Variants in CILK1 observed in about 807,000 individuals in gnomAD.
The protein encoded by CILK1 is ciliogenesis associated kinase 1.
CILK1 carries 47 observed loss-of-function variants against 79.2 expected under a neutral mutation model. That is an observed-to-expected ratio of 0.59 (90% CI 0.47 to 0.76). CILK1 has a LOEUF of 0.76. Among genes scored for constraint, CILK1 ranks in the 30% least tolerant of loss-of-function variants. The pLI is 0.00. For synonymous variants in CILK1, 266 were observed against 275.9 expected, an observed-to-expected ratio of 0.96 and a Z score of 0.36; for missense variants, 660 against 769.5, an observed-to-expected ratio of 0.86 and a Z score of 1.68.
intron 3 of CILK1, among the ~76,000 whole-genome samples, chr6:53,036,792 C>T (rs1436567383): frequency 6.6e-6 from 1 of 152,196 alleles, no homozygotes; most frequent in Non-Finnish European, 1.5e-5. Context: ...TAACTTTGAA[C>T]TCCAATTAAG....
rs1764102595 is a variant in CILK1, at chr6:53,004,425, CT to C, written c.*723del. The C allele has an allele frequency of 6.6e-6, 1 of 152,124 alleles. No individual in the cohort carries two copies. Among genetic ancestry groups the C allele is most frequent in the Admixed American group, 6.5e-5 (1 of 15,270 alleles). 9.4% of individuals were successfully genotyped at this position (152,124 alleles called of 1,614,324 possible). A position where few individuals can be genotyped will look rare whatever the true frequency, so the allele number is the denominator to read the frequency against. ...AATATAATGGCATAGTATAATTAAG[CT>C]TGGTTTCATCTGAGATCTGCAACCA... On this transcript the variant is annotated 3_prime_UTR_variant, in exon 14 of 14. Transcript: ENST00000676107.
At chr6:53,012,316 T>C (rs1764621670) in intron 9 of CILK1, 89 bp from the exon 10 acceptor site, 3 of 1,224,846 alleles carry the variant, frequency 2.4e-6, no homozygotes, top group Non-Finnish European at 2.4e-6. Context: ...TTCTCTGCTA[T>C]GCAAAGGAGG....
intron 12 of CILK1, among the ~76,000 whole-genome samples, chr6:53,007,296 T>C (rs980029926): frequency 6.6e-6 from 1 of 152,200 alleles, no homozygotes; most frequent in African/African-American, 2.4e-5. Context: ...CTAGAATGCC[T>C]GCGTGAGGAG....
intron 2 of CILK1, among the ~76,000 whole-genome samples, chr6:53,040,852 T>C (rs1766656742): frequency 6.6e-6 from 1 of 152,214 alleles, no homozygotes; most frequent in Admixed American, 6.5e-5. Flanking sequence ...TTTCCTCTCA[T>C]GTAAAATGAT....
intron 5 of CILK1, among the ~76,000 whole-genome samples, chr6:53,025,884 T>A (rs1765538824): frequency 6.6e-6 from 1 of 152,244 alleles, no homozygotes; most frequent in African/African-American, 2.4e-5. Flanking sequence ...ATTAAAAGTA[T>A]AAGATCCTTA....
intron 5 of CILK1, among the ~76,000 whole-genome samples, chr6:53,030,580 TG>T (rs1765874331): frequency 6.6e-6 from 1 of 152,262 alleles, no homozygotes; most frequent in South Asian, 2.1e-4. Flanking sequence ...CATCTTGTTT[TG>T]CCTTTGTCTC....
intron 13 of CILK1, among the ~76,000 whole-genome samples, chr6:53,005,754 C>T (rs151039632): frequency 1.1e-4 from 17 of 152,264 alleles, no homozygotes; most frequent in Admixed American, 4.6e-4. Flanking sequence ...GTCAGATCAC[C>T]TCACTTATGG....
At chr6:53,026,882 C>G (rs1720393224) in intron 5 of CILK1, among the ~76,000 whole-genome samples, 1 of 152,170 alleles carries the variant, frequency 6.6e-6, no homozygotes, top group Admixed American at 6.5e-5. Context: ...AGCTGAATAA[C>G]AGAGGGATTT....
intron 5 of CILK1, 49 bp from the exon 6 acceptor site, chr6:53,019,408 A>G: frequency 6.2e-7 from 1 of 1,606,802 alleles, no homozygotes; most frequent in Non-Finnish European, 8.5e-7. Flanking sequence ...TTTGCTTCGT[A>G]TTATTCTTTG....
chr6:53,012,423 G>A (rs1391798969), intron 9 of CILK1, among the ~76,000 whole-genome samples, 196 bp from the exon 10 acceptor site: 2 of 152,064 alleles, frequency 1.3e-5, no homozygotes, highest in Admixed American at 1.3e-4. Context: ...TGTATCAGCT[G>A]CCATCCATTG....
chr6:53,032,940 G>A (rs551219770), intron 3 of CILK1, among the ~76,000 whole-genome samples: 19 of 152,230 alleles, frequency 1.2e-4, no homozygotes, highest in African/African-American at 3.9e-4. Context: ...GCTATTTTGG[G>A]CCCACCCCCT....
chr6:53,023,950 A>T (rs1765409427), intron 5 of CILK1, among the ~76,000 whole-genome samples: 1 of 152,220 alleles, frequency 6.6e-6, no homozygotes. Flanking sequence ...GATCAGATAC[A>T]TTCAAGAGGG....
At chr6:53,050,127 T>C (rs1767376564) in intron 1 of CILK1, among the ~76,000 whole-genome samples, 1 of 152,130 alleles carries the variant, frequency 6.6e-6, no homozygotes, top group African/African-American at 2.4e-5. Flanking sequence ...GACATCTACA[T>C]CTACAGAGTC....
intron 1 of CILK1, among the ~76,000 whole-genome samples, 158 bp from the exon 2 acceptor site, chr6:53,041,566 G>A (rs1043474831): frequency 2.0e-5 from 3 of 152,164 alleles, no homozygotes; most frequent in Non-Finnish European, 2.9e-5. Context: ...GTTGTGTGAC[G>A]CTGTAGAGCC....
Position 53,013,775 on chromosome 6 carries a change from G to C in CILK1, c.1039C>G (p.Leu347Val). ...ACCTCTGCTTTGTAGGGGTACGTGAGATGCAGAGGGGGCTGGCTGGCTTGA... is the reference window on the plus strand; with the variant it reads ...ACCTCTGCTTTGTAGGGGTACGTGACATGCAGAGGGGGCTGGCTGGCTTGA... ...QHQASQPPLH[L>V]TYPYKAEVSR... Residue 347 changes from leucine (L) to valine (V), a missense_variant, in exon 9 of 14, where the codon CTC (leucine) becomes GTC (valine). Transcript: ENST00000676107. The C allele has an allele frequency of 1.9e-6, 3 of 1,614,152 alleles. No individual in the cohort carries two copies. Among genetic ancestry groups the C allele is most frequent in the Non-Finnish European group, 2.5e-6 (3 of 1,180,020 alleles).
chr6:53,013,535 G>A, intron 9 of CILK1, 127 bp downstream of exon 9: 1 of 884,460 alleles, frequency 1.1e-6, no homozygotes, highest in Non-Finnish European at 1.8e-6. Context: ...ACAATTCCAT[G>A]CTGTTGCAAA....
chr6:53,045,267 T>C (rs1232302028), intron 1 of CILK1, among the ~76,000 whole-genome samples: 1 of 152,220 alleles, frequency 6.6e-6, no homozygotes, highest in Non-Finnish European at 1.5e-5. Flanking sequence ...AAAAGTATAT[T>C]TGGACCACAG....
At chr6:53,017,359 G>C (rs1263552007) in intron 7 of CILK1, among the ~76,000 whole-genome samples, 1 of 152,244 alleles carries the variant, frequency 6.6e-6, no homozygotes, top group Admixed American at 6.5e-5. Context: ...CACAGCTGAA[G>C]ATGGGGAGGA....
intron 2 of CILK1, among the ~76,000 whole-genome samples, chr6:53,040,336 C>A (rs1030839032): frequency 6.6e-6 from 1 of 152,250 alleles, no homozygotes; most frequent in Non-Finnish European, 1.5e-5. Flanking sequence ...ACAAGTCTCT[C>A]ATTGCCTTCT....
Sources: gnomAD v4.1 joint callset for allele counts (sites outside exome capture counted in the v4.1 genomes callset) on GRCh38, gnomAD v4.1.1 for gene constraint, MANE v1.5 for transcripts, NCBI Gene and HGNC (gene_info 2026-07-23, HGNC 2026-07-21) for gene names.